Variants in PARD3 observed in about 807,000 individuals in gnomAD.
The protein encoded by PARD3 is par-3 family cell polarity regulator, also known as partitioning defective 3 homolog.
Under a neutral mutation model 155.4 loss-of-function variants are expected in PARD3, and 75 were observed. The observed-to-expected ratio is 0.48, with a 90% confidence interval of 0.40 to 0.58. The LOEUF (loss-of-function observed/expected upper bound fraction) is 0.58, where lower values mean the gene tolerates loss of function less well. Among genes scored for constraint, PARD3 ranks in the 20% least tolerant of loss-of-function variants. PARD3 has a pLI of 0.00. For synonymous variants in PARD3, 576 were observed against 610.5 expected (o/e 0.94, Z 0.83); for missense variants, 1,642 against 1,721.7 (o/e 0.95, Z 0.82).
Position 34,776,833 on chromosome 10 carries a change from T to TTTTTG in PARD3, c.120+38042_120+38043insCAAAA, listed in dbSNP as rs1564608800. 3.0e-4 allele frequency among the ~76,000 whole-genome samples: 3 copies of TTTTTG among 9,906 alleles called. 1 individual carries two copies. Among genetic ancestry groups the TTTTTG allele is most frequent in the African/African-American group, 8.6e-4 (3 of 3,476 alleles). 6.5% of individuals were successfully genotyped at this position (9,906 alleles called of 152,430 possible). A position where few individuals can be genotyped will look rare whatever the true frequency, so the allele number is the denominator to read the frequency against. ...CCAAGTATTTTCAGTCGTGTTTTTT[T>TTTTTG]GTGGGGGGGGGGGGCGGGTGGGGGA... On this transcript the variant is annotated intron_variant, in intron 1 of 24. Transcript: ENST00000374788.
chr10:34,675,315 T>C (rs2093685432), intron 2 of PARD3, among the ~76,000 whole-genome samples: 1 of 152,226 alleles, frequency 6.6e-6, no homozygotes, highest in Non-Finnish European at 1.5e-5. Context: ...ATTTTCTCCA[T>C]AATCAAAACC....
intron 22 of PARD3, among the ~76,000 whole-genome samples, chr10:34,198,748 A>G (rs187248032): frequency 5.3e-5 from 8 of 152,180 alleles, no homozygotes; most frequent in African/African-American, 1.9e-4. Flanking sequence ...CAAACAGTCA[A>G]CCCCTTAGAA....
At chr10:34,552,082 T>A (rs1043988091) in intron 2 of PARD3, among the ~76,000 whole-genome samples, 1 of 152,144 alleles carries the variant, frequency 6.6e-6, no homozygotes, top group Non-Finnish European at 1.5e-5. Context: ...TCCCACTCAG[T>A]GCTTCAAAAA....
intron 6 of PARD3, 120 bp from the exon 7 acceptor site, chr10:34,399,533 G>C: frequency 1.4e-6 from 1 of 696,836 alleles, no homozygotes; most frequent in Non-Finnish European, 2.6e-6. Flanking sequence ...AAAGAGAACA[G>C]AACAAAAATC....
At chr10:34,269,099 G>A (rs1352012239) in intron 22 of PARD3, among the ~76,000 whole-genome samples, 1 of 152,096 alleles carries the variant, frequency 6.6e-6, no homozygotes, top group African/African-American at 2.4e-5. Context: ...AAAAAATACA[G>A]TTAACATTGC....
intron 2 of PARD3, among the ~76,000 whole-genome samples, chr10:34,666,798 T>A (rs9943321): frequency 0.058 from 1,301 of 22,618 alleles, 5 homozygotes; most frequent in Non-Finnish European, 0.096. Flanking sequence ...AAAAAAAAAA[T>A]ATATATATAT....
At chr10:34,765,757 AGAAG>A (rs1157932011) in intron 1 of PARD3, among the ~76,000 whole-genome samples, 1 of 152,144 alleles carries the variant, frequency 6.6e-6, no homozygotes, top group Non-Finnish European at 1.5e-5. Flanking sequence ...TTCTCAGAGG[AGAAG>A]GAAGAAGAGA....
At chr10:34,791,345 G>A (rs1048483672) in intron 1 of PARD3, among the ~76,000 whole-genome samples, 1 of 152,118 alleles carries the variant, frequency 6.6e-6, no homozygotes, top group Non-Finnish European at 1.5e-5. Flanking sequence ...GCTGGCAGCC[G>A]CAAAACCAAG....
intron 1 of PARD3, among the ~76,000 whole-genome samples, chr10:34,710,647 G>A (rs776625957): frequency 1.1e-4 from 17 of 152,214 alleles, no homozygotes; most frequent in East Asian, 7.7e-4. Context: ...ATCCCAAGCC[G>A]GTTTGTGACC....
At chr10:34,241,268 G>A (rs1450344202) in intron 22 of PARD3, among the ~76,000 whole-genome samples, 1 of 152,194 alleles carries the variant, frequency 6.6e-6, no homozygotes, top group Admixed American at 6.5e-5. Context: ...TCAAGATCCA[G>A]AGCAGGACAC....
At chr10:34,172,597 G>A (rs1949847094) in intron 22 of PARD3, among the ~76,000 whole-genome samples, 1 of 152,074 alleles carries the variant, frequency 6.6e-6, no homozygotes, top group South Asian at 2.1e-4. Flanking sequence ...TGAGACTGCT[G>A]TGCATGGACC....
chr10:34,549,166 T>C (rs2084341210), intron 2 of PARD3, among the ~76,000 whole-genome samples: 1 of 152,230 alleles, frequency 6.6e-6, no homozygotes, highest in African/African-American at 2.4e-5. Flanking sequence ...GTAGAACTTG[T>C]TCCCATGAGA....
chr10:34,783,536 G>A (rs1477778925), intron 1 of PARD3, among the ~76,000 whole-genome samples: 1 of 150,528 alleles, frequency 6.6e-6, no homozygotes, highest in African/African-American at 2.5e-5. Flanking sequence ...CCCGGGAGGC[G>A]GAGCTTGCAG....
chr10:34,633,862 T>C (rs950641280), intron 2 of PARD3, among the ~76,000 whole-genome samples: 7 of 152,236 alleles, frequency 4.6e-5, no homozygotes, highest in Non-Finnish European at 1.0e-4. Flanking sequence ...GTCTTCTGGA[T>C]AACAGCTATT....
chr10:34,174,467 T>C (rs1241661724), intron 22 of PARD3, among the ~76,000 whole-genome samples: 1 of 152,202 alleles, frequency 6.6e-6, no homozygotes, highest in African/African-American at 2.4e-5. Flanking sequence ...TGTTACACAT[T>C]GAAGGTCAGG....
rs542517881 is a variant in PARD3, at chr10:34,303,795, G to A, written c.3065+13312C>T. ...AGGATCAGGCAATTGTGAGCTGGGC[G>A]GCACTGACAGGGCATGGGCTGAGGT... is the stretch of plus-strand genomic sequence containing the variant. On this transcript the variant is annotated intron_variant, in intron 20 of 24. Coordinates refer to ENST00000374788, the MANE Select transcript of PARD3 (RefSeq NM_001184785.2). Among the ~76,000 whole-genome samples the A allele has an allele frequency of 6.6e-5, 10 of 152,230 alleles. 1 individual carries two copies. The highest frequency in any genetic ancestry group is 6.2e-4 in the South Asian group (3 of 4,822).
chr10:34,262,253 C>T (rs1274031596), intron 22 of PARD3, among the ~76,000 whole-genome samples: 5 of 151,798 alleles, frequency 3.3e-5, no homozygotes, highest in South Asian at 2.1e-4. Flanking sequence ...AAGCCTATTA[C>T]GGTTTTTTTT....
intron 22 of PARD3, among the ~76,000 whole-genome samples, chr10:34,229,279 C>T (rs984839797): frequency 6.6e-6 from 1 of 152,042 alleles, no homozygotes; most frequent in Non-Finnish European, 1.5e-5. Context: ...AGTACAGTGG[C>T]ATGATCACAG....
intron 14 of PARD3, among the ~76,000 whole-genome samples, chr10:34,348,629 G>T (rs1244135176): frequency 6.6e-6 from 1 of 152,146 alleles, no homozygotes; most frequent in Admixed American, 6.5e-5. Context: ...AAAGATATCA[G>T]CTCAGATGTC....
Sources: allele counts gnomAD v4.1 joint callset (sites outside exome capture counted in the v4.1 genomes callset), GRCh38; gene constraint gnomAD v4.1.1; transcripts MANE v1.5; gene names NCBI Gene and HGNC (gene_info 2026-07-23, HGNC 2026-07-21).